The following BANK1 variants were observed in gnomAD, a reference collection of about 807,000 sequenced individuals.
BANK1 encodes the protein B-cell scaffold protein with ankyrin repeats.
In BANK1, 95 loss-of-function variants were observed where a neutral mutation model predicts 94.5. The ratio of observed to expected loss-of-function variants is 1.00; its 90% CI spans 0.85 to 1.19. BANK1 has a LOEUF of 1.19. BANK1 is among the 50% of genes most tolerant of loss of function. BANK1 has a pLI of 0.00. For missense variants in BANK1, 987 were observed against 932.2 expected, an observed-to-expected ratio of 1.06 and a Z score of -0.77; for synonymous variants, 334 against 308.4, an observed-to-expected ratio of 1.08 and a Z score of -0.87.
Position 102,025,528 on chromosome 4 carries a change from A to G in BANK1, c.1594+19A>G, listed in dbSNP as rs1560694125. Reference sequence around the variant, plus strand: ...TTACCAGGTAAGTTTAAGGTTAGAAAAAAACAAAACAAAACAAAGACAAAT... The same window carrying G: ...TTACCAGGTAAGTTTAAGGTTAGAAGAAAACAAAACAAAACAAAGACAAAT... On this transcript the variant is annotated intron_variant, in intron 9 of 16. Transcript: ENST00000322953. The G allele has an allele frequency of 1.2e-6, 2 of 1,607,884 alleles. No homozygotes were observed. The highest frequency in any genetic ancestry group is 3.4e-5 in the Admixed American group (2 of 59,446).
Position 101,906,450 on chromosome 4 carries a change from C to A in BANK1, c.1009+11040C>A, listed in dbSNP as rs145731981. On this transcript the variant is annotated intron_variant, in intron 6 of 16. Coordinates refer to ENST00000322953, the MANE Select transcript of BANK1 (RefSeq NM_017935.5). ...CTAAGAGTGGTCGTTCAAGGCGCTG[C>A]TCAGTCACTGGGGCAACCACTTTTT... 2.0e-5 allele frequency among the ~76,000 whole-genome samples: 3 copies of A among 152,264 alleles called. No homozygotes were observed. In the East Asian group the frequency reaches 5.8e-4, roughly 29 times the overall value.
Position 101,903,894 on chromosome 4 carries a change from G to A in BANK1, c.1009+8484G>A, listed in dbSNP as rs112659294. Among the ~76,000 whole-genome samples, 1,244 of 152,234 alleles carry A rather than the reference G, an allele frequency of 8.2e-3. 9 individuals are homozygous for A. Among genetic ancestry groups the A allele is most frequent in the Non-Finnish European group, 0.014 (967 of 67,994 alleles). On this transcript the variant is annotated intron_variant, in intron 6 of 16. Transcript: ENST00000322953. The stretch of plus-strand genomic sequence containing the variant: ...TCAGGAGCTGTAATTAAACCAGCAC[G>A]AGAAATTGAATTTTGCAAGTGACCA...
chr4:102,015,201 G>T (rs1051851177), intron 7 of BANK1, among the ~76,000 whole-genome samples: 2 of 151,772 alleles, frequency 1.3e-5, no homozygotes, highest in Admixed American at 1.3e-4. Flanking sequence ...TTTTTATAAA[G>T]GAATATAGCA....
intron 10 of BANK1, among the ~76,000 whole-genome samples, chr4:102,042,008 T>C (rs1231463859): frequency 6.6e-6 from 1 of 152,052 alleles, no homozygotes; most frequent in Admixed American, 6.6e-5. Context: ...TATCAATTAA[T>C]GTAATTTTTA....
intron 1 of BANK1, among the ~76,000 whole-genome samples, chr4:101,817,576 A>G (rs1017442714): frequency 2.0e-5 from 3 of 152,246 alleles, no homozygotes; most frequent in African/African-American, 7.2e-5. Context: ...TAACTAATGG[A>G]TGCTGGGTGA....
At chr4:101,998,450 C>T (rs1431431410) in intron 7 of BANK1, among the ~76,000 whole-genome samples, 1 of 151,040 alleles carries the variant, frequency 6.6e-6, no homozygotes, top group Non-Finnish European at 1.5e-5. Flanking sequence ...GTCCAGAGCC[C>T]TCAAGTCCTG....
chr4:102,051,787 G>T (rs958016055), intron 11 of BANK1, among the ~76,000 whole-genome samples: 3 of 152,146 alleles, frequency 2.0e-5, no homozygotes, highest in Non-Finnish European at 4.4e-5. Context: ...CCAGTTGAAA[G>T]TGGGGGTAGG....
chr4:101,871,454 T>G (rs6857428), intron 5 of BANK1, among the ~76,000 whole-genome samples: 83,956 of 151,948 alleles, frequency 0.55, 24,509 homozygotes, highest in African/African-American at 0.75. Flanking sequence ...CTGACAAGTT[T>G]TCATGAAGCT....
At chr4:102,072,003 A>C (rs1242590413) in intron 14 of BANK1, among the ~76,000 whole-genome samples, 1 of 152,156 alleles carries the variant, frequency 6.6e-6, no homozygotes, top group African/African-American at 2.4e-5. Flanking sequence ...TTTTGTGGAA[A>C]AGTGTGTTTT....
chr4:102,046,073 T>C (rs1055538827), intron 11 of BANK1, among the ~76,000 whole-genome samples: 1 of 150,790 alleles, frequency 6.6e-6, no homozygotes, highest in Non-Finnish European at 1.5e-5. Flanking sequence ...CAAAACAGCA[T>C]GGTACTGGTA....
At chr4:101,967,073 T>C (rs894351538) in intron 7 of BANK1, among the ~76,000 whole-genome samples, 1 of 152,114 alleles carries the variant, frequency 6.6e-6, no homozygotes, top group Non-Finnish European at 1.5e-5. Flanking sequence ...ACTTACTGTA[T>C]TCAAGGTAAT....
intron 7 of BANK1, among the ~76,000 whole-genome samples, chr4:101,990,416 C>T (rs2148931650): frequency 6.6e-6 from 1 of 152,290 alleles, no homozygotes; most frequent in South Asian, 2.1e-4. Context: ...AGCCTTTCCC[C>T]TATGACTTCC....
intron 1 of BANK1, among the ~76,000 whole-genome samples, chr4:101,813,488 G>T (rs890464312): frequency 6.6e-6 from 1 of 152,150 alleles, no homozygotes; most frequent in African/African-American, 2.4e-5. Context: ...AACTTGAGTG[G>T]ACTTAAGAAT....
intron 7 of BANK1, among the ~76,000 whole-genome samples, chr4:101,994,161 C>T (rs534544410): frequency 1.3e-5 from 2 of 152,114 alleles, no homozygotes; most frequent in African/African-American, 4.8e-5. Flanking sequence ...ATAAGTATGA[C>T]GTATTTTTTT....
intron 7 of BANK1, among the ~76,000 whole-genome samples, chr4:102,015,312 T>G (rs1265811311): frequency 1.3e-5 from 2 of 152,162 alleles, no homozygotes; most frequent in Non-Finnish European, 2.9e-5. Context: ...ACTTTGTTAT[T>G]CTGCAATTTA....
intron 7 of BANK1, among the ~76,000 whole-genome samples, chr4:101,934,043 G>A (rs1578406505): frequency 6.6e-6 from 1 of 151,368 alleles, no homozygotes; most frequent in Admixed American, 6.6e-5. Context: ...CTGCCTTAGG[G>A]TCTGGGTGCC....
At chr4:102,041,905 G>T (rs181088098) in intron 10 of BANK1, among the ~76,000 whole-genome samples, 1 of 152,140 alleles carries the variant, frequency 6.6e-6, no homozygotes, top group Admixed American at 6.6e-5. Flanking sequence ...AAGGTGTAAA[G>T]TGATTTGTAA....
intron 1 of BANK1, among the ~76,000 whole-genome samples, chr4:101,828,267 A>G (rs557465855): frequency 6.6e-6 from 1 of 151,708 alleles, no homozygotes; most frequent in African/African-American, 2.4e-5. Flanking sequence ...ACATGTGATA[A>G]TGTTACAAAT....
At chr4:101,793,987 C>A (rs1370900099) in intron 1 of BANK1, among the ~76,000 whole-genome samples, 4 of 150,920 alleles carry the variant, frequency 2.7e-5, no homozygotes, top group African/African-American at 9.7e-5. Flanking sequence ...GCTCTCGTAT[C>A]AAAAAAAATA....
Sources: gnomAD v4.1 joint callset for allele counts (sites outside exome capture counted in the v4.1 genomes callset) on GRCh38, gnomAD v4.1.1 for gene constraint, MANE v1.5 for transcripts, NCBI Gene and HGNC (gene_info 2026-07-23, HGNC 2026-07-21) for gene names.